Variants in GSG1L observed in about 807,000 individuals in gnomAD.
The protein encoded by GSG1L is GSG1 like.
Under a neutral mutation model 42.1 loss-of-function variants are expected in GSG1L, and 24 were observed. The ratio of observed to expected loss-of-function variants is 0.57; its 90% confidence interval spans 0.41 to 0.80. The LOEUF (loss-of-function observed/expected upper bound fraction) is 0.80, where lower values mean the gene tolerates loss of function less well. GSG1L is among the 30% of genes least tolerant of loss of function. The pLI, the probability that GSG1L is intolerant of heterozygous loss-of-function variation, is 0.00. For missense variants in GSG1L, 445 were observed against 472.2 expected, an observed-to-expected ratio of 0.94 and a Z score of 0.53; for synonymous variants, 215 against 203.5, an observed-to-expected ratio of 1.06 and a Z score of -0.48.
In GSG1L at chr16:27,888,462, TTCTC is replaced by T. The variant is rs376201128; in HGVS notation, c.398-3828_398-3825del. Among the ~76,000 whole-genome samples, 197 of 37,912 alleles carry T rather than the reference TTCTC, an allele frequency of 5.2e-3. 17 individuals are homozygous for T. The highest frequency in any genetic ancestry group is 0.015 in the African/African-American group (186 of 12,034). 24.9% of individuals were successfully genotyped at this position (37,912 alleles called of 152,430 possible). The stretch of plus-strand genomic sequence containing the variant: ...TTTCTTTCTTTCTTTCTTTCTTTCT[TTCTC>T]TCTCTCTCTCTCTTTCCTTTCTTTC... On this transcript the variant is annotated intron_variant, in intron 2 of 6. Transcript: ENST00000447459.
chr16:27,956,037 G>A (rs144755852), intron 2 of GSG1L, among the ~76,000 whole-genome samples: 237 of 152,266 alleles, frequency 1.6e-3, no homozygotes, highest in South Asian at 0.011. Flanking sequence ...GACATTGAGA[G>A]AACATTTACA....
intron 3 of GSG1L, among the ~76,000 whole-genome samples, chr16:27,851,545 G>C (rs910926810): frequency 2.0e-5 from 3 of 152,148 alleles, no homozygotes; most frequent in Admixed American, 2.0e-4. Context: ...GCAAGCTGGA[G>C]ACAAGGTCAC....
At chr16:27,976,931 T>C (rs187698787) in intron 1 of GSG1L, among the ~76,000 whole-genome samples, 1 of 152,274 alleles carries the variant, frequency 6.6e-6, no homozygotes, top group Admixed American at 6.5e-5. Context: ...TTTATTGCAA[T>C]ATCACTCATC....
intron 2 of GSG1L, among the ~76,000 whole-genome samples, chr16:27,890,030 C>T (rs2084106364): frequency 6.6e-6 from 1 of 152,194 alleles, no homozygotes; most frequent in Non-Finnish European, 1.5e-5. Flanking sequence ...TCTCTGCCTC[C>T]AGGAACCATG....
intron 5 of GSG1L, among the ~76,000 whole-genome samples, chr16:27,824,388 G>A (rs979590104): frequency 6.6e-6 from 1 of 152,180 alleles, no homozygotes; most frequent in African/African-American, 2.4e-5. Flanking sequence ...TGGAGGAGAA[G>A]GAAACCTGGG....
chr16:28,051,060 C>G (rs2086217738), intron 1 of GSG1L, among the ~76,000 whole-genome samples: 1 of 152,200 alleles, frequency 6.6e-6, no homozygotes, highest in African/African-American at 2.4e-5. Flanking sequence ...TGCACCTAGA[C>G]AAAGCCTAGC....
intron 1 of GSG1L, among the ~76,000 whole-genome samples, chr16:27,977,294 A>C (rs1205144611): frequency 6.6e-6 from 1 of 152,192 alleles, no homozygotes; most frequent in Non-Finnish European, 1.5e-5. Flanking sequence ...AAACGGAACA[A>C]GACAGGACAG....
At chr16:27,905,066 C>G (rs569607867) in intron 2 of GSG1L, among the ~76,000 whole-genome samples, 1 of 152,318 alleles carries the variant, frequency 6.6e-6, no homozygotes, top group South Asian at 2.1e-4. Context: ...CTGTGAGGCC[C>G]TAGGACACCA....
intron 5 of GSG1L, among the ~76,000 whole-genome samples, chr16:27,811,550 T>C (rs2083031001): frequency 1.3e-5 from 2 of 152,246 alleles, no homozygotes; most frequent in Non-Finnish European, 2.9e-5. Context: ...AGGCCTGTCC[T>C]ATTGCATAAA....
At chr16:27,900,244 C>T (rs746086709) in intron 2 of GSG1L, among the ~76,000 whole-genome samples, 5 of 152,214 alleles carry the variant, frequency 3.3e-5, no homozygotes, top group African/African-American at 4.8e-5. Flanking sequence ...ACAGCACCCA[C>T]GGAGGGCCAA....
chr16:28,047,315 A>C (rs1381711160), intron 1 of GSG1L, among the ~76,000 whole-genome samples: 1 of 152,226 alleles, frequency 6.6e-6, no homozygotes, highest in Admixed American at 6.5e-5. Context: ...CAAGTATTAA[A>C]AACAGAATTA....
At chr16:27,975,595 T>G in intron 1 of GSG1L, among the ~76,000 whole-genome samples, 1 of 152,218 alleles carries the variant, frequency 6.6e-6, no homozygotes, top group East Asian at 1.9e-4. Flanking sequence ...CACTGTGGGC[T>G]TAACCACTTT....
intron 5 of GSG1L, among the ~76,000 whole-genome samples, chr16:27,812,919 A>G (rs1416913905): frequency 6.6e-6 from 1 of 151,938 alleles, no homozygotes; most frequent in Non-Finnish European, 1.5e-5. Flanking sequence ...AGCTGGGACT[A>G]CGGTCGTGCA....
At chr16:27,869,797 G>GTCTCTGTCTCCCTCCATCTCTCTC (rs1241059022) in intron 3 of GSG1L, among the ~76,000 whole-genome samples, 10 of 67,860 alleles carry the variant, frequency 1.5e-4, no homozygotes, top group East Asian at 4.4e-4. Context: ...TTCTCTCTTT[G>GTCTCTGTCTCCCTCCATCTCTCTC]TCTCTGTCTC....
chr16:27,991,735 A>G (rs1323003500), intron 1 of GSG1L, among the ~76,000 whole-genome samples: 1 of 152,098 alleles, frequency 6.6e-6, no homozygotes, highest in African/African-American at 2.4e-5. Context: ...TATTAATGCT[A>G]TGTATCTCTC....
At chr16:28,043,262 G>T (rs796089531) in intron 1 of GSG1L, among the ~76,000 whole-genome samples, 4 of 152,280 alleles carry the variant, frequency 2.6e-5, no homozygotes, top group African/African-American at 9.6e-5. Flanking sequence ...AACCCAGAGG[G>T]TGGAAAGCAA....
intron 6 of GSG1L, among the ~76,000 whole-genome samples, chr16:27,792,429 C>T (rs540272855): frequency 2.6e-5 from 4 of 152,288 alleles, no homozygotes; most frequent in Middle Eastern, 3.4e-3. Context: ...CTCACTCCTT[C>T]GTGTTTTTGG....
intron 6 of GSG1L, among the ~76,000 whole-genome samples, chr16:27,803,124 A>G (rs1379565596): frequency 6.6e-6 from 1 of 151,708 alleles, no homozygotes; most frequent in African/African-American, 2.4e-5. Context: ...GCTTGGGCAA[A>G]AATTCTGTGC....
chr16:28,017,584 G>A (rs547291382), intron 1 of GSG1L, among the ~76,000 whole-genome samples: 2 of 152,276 alleles, frequency 1.3e-5, no homozygotes, highest in Admixed American at 6.5e-5. Flanking sequence ...TCTGTCAACC[G>A]CAGAAGAAAT....
Sources: allele counts gnomAD v4.1 joint callset (sites outside exome capture counted in the v4.1 genomes callset), GRCh38; gene constraint gnomAD v4.1.1; transcripts MANE v1.5; gene names NCBI Gene and HGNC (gene_info 2026-07-23, HGNC 2026-07-21).